The following PCDHGA11 variants were observed in gnomAD, a reference collection of about 807,000 sequenced individuals.
PCDHGA11 encodes protocadherin gamma subfamily A, 11, also known as protocadherin gamma-A11.
PCDHGA11 carries 39 observed loss-of-function variants against 60.4 expected under a neutral mutation model. That is an observed-to-expected ratio of 0.65 (90% CI 0.50 to 0.84). The LOEUF (loss-of-function observed/expected upper bound fraction) is 0.84, where lower values mean the gene tolerates loss of function less well. PCDHGA11 is among the 40% of genes least tolerant of loss of function. The probability of loss-of-function intolerance (pLI) is 0.00; values close to 1 mark genes in which losing one functional copy is unlikely to be tolerated. For synonymous variants in PCDHGA11, 533 were observed against 510.3 expected, an observed-to-expected ratio of 1.04 and a Z score of -0.60; for missense variants, 1,165 against 1,197.7, an observed-to-expected ratio of 0.97 and a Z score of 0.40.
Position 141,422,887 on chromosome 5 carries a change from C to T in PCDHGA11, c.1660C>T (p.Leu554=). 1 of 1,614,264 alleles carries T rather than the reference C, an allele frequency of 6.2e-7. No individual in the cohort carries two copies. Among genetic ancestry groups the T allele is most frequent in the Non-Finnish European group, 8.5e-7 (1 of 1,180,052 alleles). The change falls in exon 1 of 4, where the codon CTG becomes TTG. Residue 554 remains leucine (L), a synonymous_variant. Transcript: ENST00000398587. ...CAACGTGTCGCTGAGCCTGTTCGTG[C>T]TGGACCAGAACGACAATGCGCCCGA... The part of the protein sequence containing the change: ...SSNVSLSLFV[L]DQNDNAPEIL...
chr5:141,500,883 T>G (rs1250275850), intron 2 of PCDHGA11, among the ~76,000 whole-genome samples: 2 of 97,532 alleles, frequency 2.1e-5, no homozygotes, highest in African/African-American at 1.2e-4. Context: ...TACAATTTTT[T>G]TTTTTTGAGA....
intron 1 of PCDHGA11, 63 bp from the exon 2 acceptor site, chr5:141,494,744 G>T: frequency 6.2e-7 from 1 of 1,612,702 alleles, no homozygotes; most frequent in South Asian, 1.1e-5. Flanking sequence ...CATCCCTAGG[G>T]GCTCGGGTGA....
chr5:141,479,703 C>T (rs1219257838), intron 1 of PCDHGA11: 1 of 152,182 alleles, frequency 6.6e-6, no homozygotes, highest in African/African-American at 2.4e-5. Context: ...AGTGTTAGTC[C>T]CTGTCCTTCC....
chr5:141,428,341 C>T, intron 1 of PCDHGA11: 1 of 602,086 alleles, frequency 1.7e-6, no homozygotes, highest in Non-Finnish European at 3.0e-6. Flanking sequence ...GCTCTTCTTC[C>T]TCGCAGTGAT....
At chr5:141,424,960 C>T (rs1291822416) in intron 1 of PCDHGA11, among the ~76,000 whole-genome samples, 1 of 152,102 alleles carries the variant, frequency 6.6e-6, no homozygotes, top group African/African-American at 2.4e-5. Context: ...AGGTATTTGC[C>T]CCAAATTACT....
At chr5:141,502,542 A>G (rs2099814957) in intron 2 of PCDHGA11, among the ~76,000 whole-genome samples, 1 of 152,216 alleles carries the variant, frequency 6.6e-6, no homozygotes, top group Admixed American at 6.5e-5. Context: ...TTCGTGTGGT[A>G]AAAACAGTGT....
chr5:141,489,086 G>A lies in PCDHGA11; in HGVS notation c.2434-5721G>A, dbSNP rs2233599. ...CCCCCCTGCCCACCCCCGCCACTCG[G>A]TGACTAAGAACTGCTGCAAGCAGGC... On this transcript the variant is annotated intron_variant, in intron 1 of 3. Coordinates refer to ENST00000398587, the MANE Select transcript of PCDHGA11 (RefSeq NM_018914.3). The surrounding 1 kb of genome is among the most constrained non-coding windows in gnomAD (Gnocchi z 4.5). 2.2e-3 allele frequency: 754 copies of A among 340,206 alleles called. 5 individuals carry two copies. Among genetic ancestry groups the A allele is most frequent in the African/African-American group, 0.018 (712 of 39,726 alleles). 21.1% of individuals were successfully genotyped at this position (340,206 alleles called of 1,614,324 possible).
Position 141,423,181 on chromosome 5 carries a change from C to T in PCDHGA11, c.1954C>T (p.Gln652Ter). 2 of 1,613,578 alleles carry T rather than the reference C, an allele frequency of 1.2e-6. No homozygotes were observed. The highest frequency in any genetic ancestry group is 2.2e-5 in the East Asian group (1 of 44,874). The change falls in exon 1 of 4, where the codon CAG becomes TAG. Residue 652 changes from glutamine to a stop codon, truncating the protein, a stop_gained. Coordinates refer to ENST00000398587, the MANE Select transcript of PCDHGA11 (RefSeq NM_018914.3). LOFTEE classifies it high-confidence loss of function. Reference protein sequence around the residue: ...SLVVAVQDHGQPPLSATVTLT... With the variant: ...SLVVAVQDHG ...CGTGGTGGCCGTCCAGGACCACGGC[C>T]AGCCCCCTCTCTCGGCCACCGTCAC... is the stretch of plus-strand genomic sequence containing the variant.
chr5:141,487,467 T>C lies in PCDHGA11; in HGVS notation c.2434-7340T>C. ...GATGACCCTATCAAGTTTGTTGATG[T>C]GGGAGGCCACTCTCATGGCTGTACA... On this transcript the variant is annotated intron_variant, in intron 1 of 3. Transcript: ENST00000398587. The surrounding 1 kb of genome is among the most constrained non-coding windows in gnomAD (Gnocchi z 5.0). 6.2e-7 allele frequency: 1 copy of C among 1,614,186 alleles called. No individual in the cohort carries two copies. The highest frequency in any genetic ancestry group is 8.5e-7 in the Non-Finnish European group (1 of 1,180,026).
chr5:141,485,661 G>A lies in PCDHGA11; in HGVS notation c.2434-9146G>A. On this transcript the variant is annotated intron_variant, in intron 1 of 3. Transcript: ENST00000398587. This position sits in a 1 kb window ranked among gnomAD's most constrained non-coding sequence, Gnocchi z 5.7. ...GAAAAGGCTCAGGATGCAGATGTGGGGAGCAATTCGATTAGCAGCTATAGG... is the reference window on the plus strand; with the variant it reads ...GAAAAGGCTCAGGATGCAGATGTGGAGAGCAATTCGATTAGCAGCTATAGG... 2 of 1,612,678 alleles carry A rather than the reference G, an allele frequency of 1.2e-6. No individual in the cohort carries two copies. Among genetic ancestry groups the A allele is most frequent in the Non-Finnish European group, 1.7e-6 (2 of 1,178,884 alleles).
At chr5:141,440,912 G>T (rs1281398967) in intron 1 of PCDHGA11, 1 of 152,254 alleles carries the variant, frequency 6.6e-6, no homozygotes, top group Admixed American at 6.5e-5. Context: ...GGGCACTCCT[G>T]TGCTGAGAGT....
chr5:141,498,265 T>G (rs2099782779), intron 2 of PCDHGA11, among the ~76,000 whole-genome samples: 2 of 152,010 alleles, frequency 1.3e-5, no homozygotes, highest in Non-Finnish European at 2.9e-5. Context: ...TGTTGAGTTC[T>G]TCAGTAAACT....
At chr5:141,481,216 G>T (rs2099534005) in intron 1 of PCDHGA11, among the ~76,000 whole-genome samples, 3 of 152,110 alleles carry the variant, frequency 2.0e-5, no homozygotes, top group Admixed American at 6.5e-5. Flanking sequence ...ACATGGTAAG[G>T]TCTCCCAGCC....
intron 1 of PCDHGA11, among the ~76,000 whole-genome samples, chr5:141,438,615 TATATATATATATATATATATACACACAC>T (rs2098021754): frequency 1.1e-4 from 4 of 35,920 alleles, no homozygotes; most frequent in Non-Finnish European, 1.8e-4. Flanking sequence ...TATATATATA[TATATATATATATATATATATACACACAC>T]ACACACACAT....
intron 1 of PCDHGA11, among the ~76,000 whole-genome samples, chr5:141,443,772 C>T (rs1284723564): frequency 6.6e-6 from 1 of 151,568 alleles, no homozygotes; most frequent in Non-Finnish European, 1.5e-5. Context: ...TACAATATTA[C>T]CAAAAAGACA....
At chr5:141,433,257 G>C (rs764036349) in intron 1 of PCDHGA11, 3 of 1,385,416 alleles carry the variant, frequency 2.2e-6, no homozygotes, top group Non-Finnish European at 3.0e-6. Flanking sequence ...GCAGCGGTAC[G>C]ATCATAGCTC....
intron 1 of PCDHGA11, among the ~76,000 whole-genome samples, chr5:141,456,733 G>A (rs1186997201): frequency 6.6e-6 from 1 of 152,182 alleles, no homozygotes; most frequent in Non-Finnish European, 1.5e-5. Context: ...GGGAGGCTGA[G>A]GCGGGAGCAT....
At position 141,490,551 on chromosome 5, in the gene PCDHGA11, T is replaced by C; in HGVS notation, c.2434-4256T>C. On this transcript the variant is annotated intron_variant, in intron 1 of 3. Coordinates refer to ENST00000398587, the MANE Select transcript of PCDHGA11 (RefSeq NM_018914.3). The surrounding 1 kb of genome is among the most constrained non-coding windows in gnomAD (Gnocchi z 5.4). ...CTGGTTCACCTTCCCTACACAAACA[T>C]CTCACCATCAGGCTCAACATTTCAG... 1 of 1,614,088 alleles carries C rather than the reference T, an allele frequency of 6.2e-7. No individual in the cohort carries two copies. The highest frequency in any genetic ancestry group is 1.1e-5 in the South Asian group (1 of 91,086).
chr5:141,473,237 A>C (rs2099317600), intron 1 of PCDHGA11, among the ~76,000 whole-genome samples: 1 of 152,194 alleles, frequency 6.6e-6, no homozygotes, highest in African/African-American at 2.4e-5. Context: ...GATCCACACA[A>C]GTGAATACAT....
Sources: gnomAD v4.1 joint callset for allele counts (sites outside exome capture counted in the v4.1 genomes callset) on GRCh38, gnomAD v4.1.1 for gene constraint, Gnocchi (gnomAD v3.1) non-coding constraint, MANE v1.5 for transcripts, NCBI Gene and HGNC (gene_info 2026-07-23, HGNC 2026-07-21) for gene names.